The following RAI14 variants were observed in gnomAD, a reference collection of about 807,000 sequenced individuals.
RAI14 encodes the protein ankycorbin.
A neutral mutation model predicts 115.4 loss-of-function variants in RAI14; 45 were observed. The ratio of observed to expected loss-of-function variants is 0.39; its 90% CI spans 0.31 to 0.50. RAI14 has a LOEUF of 0.50. RAI14 is among the 20% of genes least tolerant of loss of function. RAI14 has a pLI of 0.85. For synonymous variants in RAI14, 371 were observed against 415.4 expected (o/e 0.89, Z 1.30); for missense variants, 939 against 1,131.2 (o/e 0.83, Z 2.44).
chr5:34,731,028 A>G (rs1744111193), intron 2 of RAI14, among the ~76,000 whole-genome samples: 1 of 152,120 alleles, frequency 6.6e-6, no homozygotes, highest in African/African-American at 2.4e-5. Context: ...AGAAAAACAG[A>G]ACAATTTATT....
At chr5:34,797,921 T>C (rs1157275926) in intron 4 of RAI14, among the ~76,000 whole-genome samples, 1 of 152,254 alleles carries the variant, frequency 6.6e-6, no homozygotes, top group Non-Finnish European at 1.5e-5. Flanking sequence ...TGTTTCATTG[T>C]ACTTGATATT....
At chr5:34,730,786 CA>C (rs199697840) in intron 2 of RAI14, among the ~76,000 whole-genome samples, 28,259 of 152,182 alleles carry the variant, frequency 0.19, 3,160 homozygotes, top group Non-Finnish European at 0.24. Flanking sequence ...AGTTCAAGAC[CA>C]GCCTGGCCAA....
At chr5:34,805,901 G>A (rs1299270356) in intron 5 of RAI14, among the ~76,000 whole-genome samples, 1 of 152,092 alleles carries the variant, frequency 6.6e-6, no homozygotes, top group African/African-American at 2.4e-5. Flanking sequence ...CGAACCCTCA[G>A]CTATTCCTCC....
At chr5:34,672,743 A>G (rs1743705089) in intron 1 of RAI14, among the ~76,000 whole-genome samples, 1 of 152,116 alleles carries the variant, frequency 6.6e-6, no homozygotes, top group Admixed American at 6.6e-5. Context: ...GTGTGTTTTC[A>G]TATCATACCT....
intron 2 of RAI14, among the ~76,000 whole-genome samples, chr5:34,703,407 C>A (rs1343826721): frequency 2.0e-5 from 3 of 152,122 alleles, no homozygotes; most frequent in African/African-American, 4.8e-5. Flanking sequence ...ATTCCACAAC[C>A]ATTTAAAATG....
intron 1 of RAI14, among the ~76,000 whole-genome samples, chr5:34,678,934 C>T (rs1454509581): frequency 6.6e-6 from 1 of 152,226 alleles, no homozygotes; most frequent in Non-Finnish European, 1.5e-5. Flanking sequence ...GTTGCCTACT[C>T]ATGCTCCATA....
At chr5:34,711,963 G>T (rs377211224) in intron 2 of RAI14, among the ~76,000 whole-genome samples, 1 of 151,950 alleles carries the variant, frequency 6.6e-6, no homozygotes, top group African/African-American at 2.4e-5. Context: ...ATGAGGAATT[G>T]ATGGTTAGCA....
chr5:34,666,657 T>TCAAAAACCAAG (rs1743245202), intron 1 of RAI14, among the ~76,000 whole-genome samples: 1 of 152,114 alleles, frequency 6.6e-6, no homozygotes, highest in African/African-American at 2.4e-5. Context: ...GCCATTTCAG[T>TCAAAAACCAAG]CAAAAACCAA....
rs143309351 is a variant in RAI14, at chr5:34,811,806, C to T, written c.597C>T (p.Asn199=). Residue 199 remains asparagine, a synonymous_variant, in exon 9 of 18, where the codon AAC becomes AAT. Transcript: ENST00000265109. ...TGGCCTGTGAGATTGGCAGCTCTAA[C>T]GCTGTGGAAGCCTTAATTAAAAAGG... ...LMLACEIGSS[N]AVEALIKKGA... is the part of the protein sequence containing the mutation. 2.0e-5 allele frequency: 33 copies of T among 1,613,200 alleles called. No homozygotes were observed. Among genetic ancestry groups the T allele is most frequent in the Admixed American group, 1.8e-4 (11 of 59,966 alleles).
chr5:34,816,955 C>T (rs900554503), intron 12 of RAI14, among the ~76,000 whole-genome samples: 5 of 151,796 alleles, frequency 3.3e-5, no homozygotes, highest in African/African-American at 7.3e-5. Context: ...TTTATTCCTA[C>T]GTTAGCTTAG....
intron 3 of RAI14, among the ~76,000 whole-genome samples, chr5:34,785,529 C>T (rs1381678051): frequency 2.0e-5 from 3 of 152,082 alleles, no homozygotes; most frequent in African/African-American, 7.2e-5. Context: ...AATATGACTA[C>T]TTTGATATAC....
chr5:34,815,618 A>C (rs1239275438), intron 12 of RAI14, among the ~76,000 whole-genome samples: 1 of 152,156 alleles, frequency 6.6e-6, no homozygotes, highest in Admixed American at 6.5e-5. Flanking sequence ...GAACCCATAG[A>C]AGCAGAGAGT....
intron 2 of RAI14, among the ~76,000 whole-genome samples, chr5:34,724,086 G>C (rs1490701679): frequency 6.6e-6 from 1 of 152,064 alleles, no homozygotes; most frequent in Admixed American, 6.6e-5. Flanking sequence ...GCGCAATCTC[G>C]GCTCACTGCA....
intron 2 of RAI14, among the ~76,000 whole-genome samples, chr5:34,735,256 A>C (rs1744725058): frequency 6.6e-6 from 1 of 152,140 alleles, no homozygotes; most frequent in Non-Finnish European, 1.5e-5. Flanking sequence ...TTTCATTTTT[A>C]TTTTTAAATT....
At chr5:34,805,554 C>T (rs1754776266) in intron 5 of RAI14, among the ~76,000 whole-genome samples, 1 of 152,322 alleles carries the variant, frequency 6.6e-6, no homozygotes, top group Admixed American at 6.5e-5. Context: ...AATAAGCTCT[C>T]TCAGGCTGGG....
chr5:34,679,671 G>A (rs535120975), intron 1 of RAI14, among the ~76,000 whole-genome samples: 1 of 152,232 alleles, frequency 6.6e-6, no homozygotes, highest in Admixed American at 6.5e-5. Context: ...GGCTTAGCAC[G>A]TGACTGGGGG....
intron 3 of RAI14, among the ~76,000 whole-genome samples, chr5:34,760,049 C>T (rs1748417694): frequency 6.6e-6 from 1 of 152,128 alleles, no homozygotes; most frequent in African/African-American, 2.4e-5. Flanking sequence ...TGTCACCAGG[C>T]CGGAGTGCAG....
chr5:34,730,769 G>T (rs887210729), intron 2 of RAI14, among the ~76,000 whole-genome samples: 1 of 148,284 alleles, frequency 6.7e-6, no homozygotes, highest in Non-Finnish European at 1.5e-5. Flanking sequence ...GATCACTTGA[G>T]GTCAGCAGTT....
intron 3 of RAI14, among the ~76,000 whole-genome samples, chr5:34,780,012 C>A (rs769007793): frequency 1.3e-5 from 2 of 152,080 alleles, no homozygotes; most frequent in African/African-American, 4.8e-5. Flanking sequence ...AGTACTGGTA[C>A]CAAAACAAGA....
Sources: gnomAD v4.1 joint callset for allele counts (sites outside exome capture counted in the v4.1 genomes callset) on GRCh38, gnomAD v4.1.1 for gene constraint, MANE v1.5 for transcripts, NCBI Gene and HGNC (gene_info 2026-07-23, HGNC 2026-07-21) for gene names.